Variants in SLC9C2 observed in about 807,000 individuals in gnomAD.
SLC9C2 encodes the protein solute carrier family 9 member C2 (putative).
A neutral mutation model predicts 140.2 loss-of-function variants in SLC9C2; 75 were observed. The ratio of observed to expected loss-of-function variants is 0.53; its 90% confidence interval spans 0.44 to 0.65. The LOEUF is 0.65. Among genes scored for constraint, SLC9C2 ranks in the 30% least tolerant of loss-of-function variants. The pLI, the probability that SLC9C2 is intolerant of heterozygous loss-of-function variation, is 0.00. For synonymous variants in SLC9C2, 375 were observed against 420.9 expected, an observed-to-expected ratio of 0.89 and a Z score of 1.34; for missense variants, 1,074 against 1,331.8, an observed-to-expected ratio of 0.81 and a Z score of 3.01.
At chr1:173,587,190 T>C (rs1665901857) in intron 5 of SLC9C2, among the ~76,000 whole-genome samples, 1 of 152,156 alleles carries the variant, frequency 6.6e-6, no homozygotes, top group East Asian at 1.9e-4. Context: ...ACCCCTTTTC[T>C]TGAAGATAAA....
At chr1:173,540,003 C>A (rs1662259901) in intron 13 of SLC9C2, among the ~76,000 whole-genome samples, 1 of 152,150 alleles carries the variant, frequency 6.6e-6, no homozygotes, top group Non-Finnish European at 1.5e-5. Context: ...TGACTCTGGA[C>A]TGGTTTTGTG....
chr1:173,502,225 G>T (rs73025478), intron 27 of SLC9C2, among the ~76,000 whole-genome samples: 20 of 132,546 alleles, frequency 1.5e-4, no homozygotes, highest in African/African-American at 5.3e-4. Context: ...GTGAGTCAAG[G>T]TTGTGCCAAT....
At chr1:173,502,700 TG>T (rs1179606531) in intron 27 of SLC9C2, among the ~76,000 whole-genome samples, 5 of 152,254 alleles carry the variant, frequency 3.3e-5, no homozygotes, top group African/African-American at 1.2e-4. Context: ...CAAAATGTCT[TG>T]AAGTCTCTTG....
At chr1:173,526,202 T>G (rs1488660231) in intron 19 of SLC9C2, among the ~76,000 whole-genome samples, 1 of 152,168 alleles carries the variant, frequency 6.6e-6, no homozygotes, top group Non-Finnish European at 1.5e-5. Flanking sequence ...TCAAATAAAG[T>G]GGAGTGACTG....
At chr1:173,536,490 C>T (rs562014345) in intron 14 of SLC9C2, among the ~76,000 whole-genome samples, 1 of 152,322 alleles carries the variant, frequency 6.6e-6, no homozygotes, top group African/African-American at 2.4e-5. Context: ...CACTTGTCAG[C>T]ACCAGCAGTT....
In SLC9C2 at chr1:173,535,882, C is replaced by T. The variant is rs1240371481; in HGVS notation, c.1723G>A (p.Val575Ile). Residue 575 changes from valine (V) to isoleucine (I), a missense_variant, in exon 15 of 28, where the codon GTT becomes ATT. Physicochemically the swap from Val to Ile is conservative, Grantham distance 29. Coordinates refer to ENST00000367714, the MANE Select transcript of SLC9C2 (RefSeq NM_178527.4). ...ATACAATATTCCAAGAAAGTTAAAA[C>T]ATTTTTAAACTTTATAAGCCAACTT... Reference protein sequence around the residue: ...TRSWLIKFKNVLTFLEYCIEK... With the variant: ...TRSWLIKFKNILTFLEYCIEK... 1.3e-6 allele frequency: 2 copies of T among 1,510,984 alleles called. No homozygotes were observed. The allele number at this position is 1,510,984 out of a possible 1,614,324, so 93.6% of individuals were successfully genotyped here.
At chr1:173,587,560 G>T (rs301698) in intron 5 of SLC9C2, 105 bp downstream of exon 5, 1,063,449 of 1,100,516 alleles carry the variant, frequency 0.97, 513,979 homozygotes, top group East Asian at 1. Context: ...AAAGCACAGA[G>T]TCTTATTCTT....
intron 17 of SLC9C2, among the ~76,000 whole-genome samples, chr1:173,530,800 G>A (rs1017920838): frequency 6.6e-6 from 1 of 152,192 alleles, no homozygotes; most frequent in Admixed American, 6.5e-5. Context: ...TCATGTCAGA[G>A]CACAGGGGCA....
rs374332384 is a variant in SLC9C2 at position 173,535,085 on chromosome 1, A to T, written c.1776-403T>A. ...TTTATTAAAACTTTTCATTCCATCT[A>T]ATGTACAGCATGACAAAAAGAAATT... On this transcript the variant is annotated intron_variant, in intron 15 of 27. Transcript: ENST00000367714. Among the ~76,000 whole-genome samples the T allele has an allele frequency of 3.2e-4, 49 of 152,170 alleles. No homozygotes were observed. The Middle Eastern group carries it at 0.01, about 32-fold the overall frequency.
intron 13 of SLC9C2, among the ~76,000 whole-genome samples, chr1:173,541,251 A>G (rs1002245416): frequency 2.6e-5 from 4 of 152,198 alleles, no homozygotes; most frequent in Non-Finnish European, 4.4e-5. Flanking sequence ...AAACATCAAA[A>G]GAGACAAAGG....
chr1:173,570,554 T>C (rs528446050), intron 9 of SLC9C2, among the ~76,000 whole-genome samples: 1 of 151,824 alleles, frequency 6.6e-6, no homozygotes, highest in Admixed American at 6.6e-5. Flanking sequence ...CCCTGTCTGC[T>C]GTCTCACTAG....
intron 11 of SLC9C2, among the ~76,000 whole-genome samples, chr1:173,550,464 G>C (rs1258028502): frequency 7.0e-6 from 1 of 142,296 alleles, no homozygotes; most frequent in Non-Finnish European, 1.5e-5. Context: ...TTTTGAGGAG[G>C]AGTTTCACTC....
At chr1:173,593,428 G>A (rs1666281909) in intron 4 of SLC9C2, among the ~76,000 whole-genome samples, 1 of 152,174 alleles carries the variant, frequency 6.6e-6, no homozygotes, top group African/African-American at 2.4e-5. Context: ...GCTGAGGCAG[G>A]AGAATCACTT....
chr1:173,520,279 G>A lies in SLC9C2; in HGVS notation c.2739+1022C>T, dbSNP rs562342530. Among the ~76,000 whole-genome samples the A allele has an allele frequency of 5.3e-5, 8 of 152,248 alleles. No homozygotes were observed. In the East Asian group the frequency reaches 1.5e-3, roughly 29 times the overall value. ...GACAGGGTTTTGCCATGTTGGCCAG[G>A]CTGGTCTCAAACTCCTGCCTCGTGA... On this transcript the variant is annotated intron_variant, in intron 22 of 27. Coordinates refer to ENST00000367714, the MANE Select transcript of SLC9C2 (RefSeq NM_178527.4).
chr1:173,587,958 A>G, intron 4 of SLC9C2, 128 bp from the exon 5 acceptor site: 1 of 668,558 alleles, frequency 1.5e-6, no homozygotes, highest in South Asian at 3.3e-5. Flanking sequence ...ATAACTTTAA[A>G]AGGTATTCTA....
chr1:173,581,529 G>A lies in SLC9C2; in HGVS notation c.802+318C>T, dbSNP rs1024777961. On this transcript the variant is annotated intron_variant, in intron 7 of 27. Coordinates refer to ENST00000367714, the MANE Select transcript of SLC9C2 (RefSeq NM_178527.4). ...CAGTTTGCAGATGGTTTGTTCTGAG[G>A]GTTAGAGCAGAAATGAGCTCAATGT... is the stretch of plus-strand genomic sequence containing the variant. Among the ~76,000 whole-genome samples the A allele has an allele frequency of 3.9e-5, 6 of 152,086 alleles. 1 individual carries two copies. The South Asian group carries it at 1.0e-3, about 26-fold the overall frequency.
Position 173,509,708 on chromosome 1 carries a change from A to G in SLC9C2, c.2908-9T>C, listed in dbSNP as rs1659906547. On this transcript the variant is annotated splice_polypyrimidine_tract_variant and intron_variant, in intron 23 of 27. Transcript: ENST00000367714. ...AGGGAGATAAAGCAGGCCTGAAACA[A>G]AAAGGAACCAGGCCATAGCAGCTTG... is the stretch of plus-strand genomic sequence containing the variant. The G allele has an allele frequency of 1.9e-6, 3 of 1,581,306 alleles. No individual in the cohort carries two copies. Among genetic ancestry groups the G allele is most frequent in the Non-Finnish European group, 2.6e-6 (3 of 1,170,880 alleles).
At chr1:173,505,448 A>T (rs1051384055) in intron 25 of SLC9C2, 117 bp from the exon 26 acceptor site, 57 of 712,188 alleles carry the variant, frequency 8.0e-5, no homozygotes, top group Non-Finnish European at 1.3e-4. Context: ...TGGGTCTTCA[A>T]TCTTGGCTCT....
intron 13 of SLC9C2, among the ~76,000 whole-genome samples, chr1:173,545,465 A>G (rs1662777335): frequency 6.6e-6 from 1 of 152,142 alleles, no homozygotes; most frequent in African/African-American, 2.4e-5. Context: ...TGGACACGTA[A>G]TTTCTCAGGC....
Sources: allele counts gnomAD v4.1 joint callset (sites outside exome capture counted in the v4.1 genomes callset), GRCh38; gene constraint gnomAD v4.1.1; transcripts MANE v1.5; gene names NCBI Gene and HGNC (gene_info 2026-07-23, HGNC 2026-07-21).